The following FSTL4 variants were observed in gnomAD, a reference collection of about 807,000 sequenced individuals.
The protein encoded by FSTL4 is follistatin like 4, also known as follistatin-related protein 4.
Under a neutral mutation model 78.2 loss-of-function variants are expected in FSTL4, and 28 were observed. That is an observed-to-expected ratio of 0.36 (90% CI 0.27 to 0.49). The LOEUF (loss-of-function observed/expected upper bound fraction) is 0.49. Among genes scored for constraint, FSTL4 ranks in the 20% least tolerant of loss-of-function variants. FSTL4 has a pLI of 0.98. For synonymous variants in FSTL4, 422 were observed against 440.5 expected (o/e 0.96, Z 0.53); for missense variants, 922 against 1,084.9 (o/e 0.85, Z 2.11).
In FSTL4 at chr5:133,429,457, T is replaced by A. The variant is rs148123261; in HGVS notation, c.161-28471A>T. Among the ~76,000 whole-genome samples, 3 of 152,168 alleles carry A rather than the reference T, an allele frequency of 2.0e-5. No homozygotes were observed. In the East Asian group the frequency reaches 5.8e-4, roughly 29 times the overall value. ...CCAGGACTGCCTGGTACCAGGTCTA[T>A]GCTCGTGACTCCCCCACCCCAGGGA... On this transcript the variant is annotated intron_variant, in intron 3 of 15. Coordinates refer to ENST00000265342, the MANE Select transcript of FSTL4 (RefSeq NM_015082.2).
chr5:133,307,928 C>A (rs1353894580), intron 6 of FSTL4, among the ~76,000 whole-genome samples: 2 of 152,140 alleles, frequency 1.3e-5, no homozygotes, highest in Non-Finnish European at 2.9e-5. Flanking sequence ...CTACAGGCGC[C>A]CACCACCAAG....
At chr5:133,331,707 C>A (rs1443038793) in intron 4 of FSTL4, among the ~76,000 whole-genome samples, 1 of 152,156 alleles carries the variant, frequency 6.6e-6, no homozygotes, top group South Asian at 2.1e-4. Context: ...TTTATCTTAA[C>A]CTCTCGGACT....
At chr5:133,699,783 A>C in the FSTL4 span, among the ~76,000 whole-genome samples, 1 of 147,030 alleles carries the variant, frequency 6.8e-6, no homozygotes, top group Non-Finnish European at 1.5e-5. Context: ...CGGGAGGCTG[A>C]GGCAGGAGAA....
chr5:133,414,791 A>G (rs1013079606), intron 3 of FSTL4, among the ~76,000 whole-genome samples: 1 of 152,216 alleles, frequency 6.6e-6, no homozygotes, highest in African/African-American at 2.4e-5. Flanking sequence ...AGAGACAAGA[A>G]CAATTCCTAT....
chr5:133,692,252 C>T, the FSTL4 span, among the ~76,000 whole-genome samples: 3 of 152,212 alleles, frequency 2.0e-5, no homozygotes, highest in South Asian at 6.2e-4. Context: ...ATGAGTAGGG[C>T]ACATTCACGC....
intron 6 of FSTL4, among the ~76,000 whole-genome samples, chr5:133,252,804 A>G (rs1752292192): frequency 6.6e-6 from 1 of 152,186 alleles, no homozygotes; most frequent in Non-Finnish European, 1.5e-5. Context: ...ACATGGGGCT[A>G]ATAGGAAACA....
intron 7 of FSTL4, among the ~76,000 whole-genome samples, chr5:133,234,379 G>A (rs1465113029): frequency 1.3e-5 from 2 of 152,196 alleles, no homozygotes; most frequent in African/African-American, 4.8e-5. Flanking sequence ...GTCTTACTGG[G>A]CCAGTGCACA....
intron 7 of FSTL4, among the ~76,000 whole-genome samples, chr5:133,235,932 G>A (rs1276198137): frequency 6.6e-6 from 1 of 152,070 alleles, no homozygotes; most frequent in Non-Finnish European, 1.5e-5. Context: ...AGGAAAATCT[G>A]TTTAGCTTGG....
intron 3 of FSTL4, among the ~76,000 whole-genome samples, chr5:133,407,531 G>T (rs1756389991): frequency 6.6e-6 from 1 of 152,186 alleles, no homozygotes; most frequent in Non-Finnish European, 1.5e-5. Flanking sequence ...TTGCTGGAAG[G>T]TAATGCAACC....
chr5:133,226,771 G>A (rs2126796083), intron 8 of FSTL4, among the ~76,000 whole-genome samples: 1 of 152,314 alleles, frequency 6.6e-6, no homozygotes, highest in South Asian at 2.1e-4. Flanking sequence ...GGAACTCCCT[G>A]TTGTTCAGTT....
At chr5:133,554,848 A>C (rs1759756989) in intron 3 of FSTL4, among the ~76,000 whole-genome samples, 1 of 152,218 alleles carries the variant, frequency 6.6e-6, no homozygotes, top group African/African-American at 2.4e-5. Flanking sequence ...ATGCGGTACG[A>C]GAATCAAACC....
At chr5:133,200,951 C>T (rs756073373) in intron 15 of FSTL4, among the ~76,000 whole-genome samples, 30 of 152,126 alleles carry the variant, frequency 2.0e-4, no homozygotes, top group Non-Finnish European at 1.3e-4. Flanking sequence ...TGAGTGTGCC[C>T]GACCCTCAGC....
the FSTL4 span, among the ~76,000 whole-genome samples, chr5:133,825,125 G>A: frequency 3.3e-5 from 5 of 152,212 alleles, no homozygotes; most frequent in South Asian, 2.1e-4. Context: ...TCAGTGCCTC[G>A]CTGCACTCAC....
intron 6 of FSTL4, among the ~76,000 whole-genome samples, chr5:133,310,887 T>C (rs1272945685): frequency 6.6e-6 from 1 of 152,314 alleles, no homozygotes; most frequent in Middle Eastern, 3.4e-3. Flanking sequence ...GTTGTTCATG[T>C]TCCATGGAAT....
At chr5:133,828,075 T>C in the FSTL4 span, among the ~76,000 whole-genome samples, 45,909 of 151,840 alleles carry the variant, frequency 0.3, 7,380 homozygotes, top group East Asian at 0.53. Context: ...ACACAGACCA[T>C]TGGGTTGGGG....
chr5:133,203,798 T>C (rs1025327272), intron 14 of FSTL4, among the ~76,000 whole-genome samples: 5 of 152,158 alleles, frequency 3.3e-5, no homozygotes, highest in East Asian at 3.9e-4. Context: ...CATTGGTCAA[T>C]GTCATTCACG....
intron 4 of FSTL4, among the ~76,000 whole-genome samples, chr5:133,380,765 C>A (rs1466328938): frequency 1.3e-5 from 2 of 150,626 alleles, no homozygotes; most frequent in African/African-American, 4.9e-5. Flanking sequence ...ATAAAAAAAT[C>A]CTCAACAAAA....
At chr5:133,547,806 C>CT (rs1554070046) in intron 3 of FSTL4, among the ~76,000 whole-genome samples, 1 of 152,108 alleles carries the variant, frequency 6.6e-6, no homozygotes, top group Non-Finnish European at 1.5e-5. Flanking sequence ...AAATAAACCT[C>CT]TTTTTTTAAA....
At chr5:133,276,545 G>A (rs941493982) in intron 6 of FSTL4, among the ~76,000 whole-genome samples, 3 of 152,160 alleles carry the variant, frequency 2.0e-5, no homozygotes, top group Non-Finnish European at 2.9e-5. Flanking sequence ...AAATAATAAT[G>A]ACCCCTCAAG....
Sources: allele counts gnomAD v4.1 joint callset (sites outside exome capture counted in the v4.1 genomes callset), GRCh38; gene constraint gnomAD v4.1.1; transcripts MANE v1.5; gene names NCBI Gene and HGNC (gene_info 2026-07-23, HGNC 2026-07-21).